Variants in CFAP43 observed in about 807,000 individuals in gnomAD.
CFAP43 encodes the protein cilia and flagella associated protein 43.
CFAP43 carries 155 observed loss-of-function variants against 218.9 expected under a neutral mutation model. The ratio of observed to expected loss-of-function variants is 0.71; its 90% CI spans 0.62 to 0.81. CFAP43 has a LOEUF of 0.81. CFAP43 is among the 30% of genes least tolerant of loss of function. The pLI is 0.00. For synonymous variants in CFAP43, 645 were observed against 681.3 expected, an observed-to-expected ratio of 0.95 and a Z score of 0.83; for missense variants, 1,778 against 1,954.3, an observed-to-expected ratio of 0.91 and a Z score of 1.70.
intron 5 of CFAP43, among the ~76,000 whole-genome samples, chr10:104,209,790 C>T (rs1228342673): frequency 6.6e-6 from 1 of 152,188 alleles, no homozygotes; most frequent in Admixed American, 6.5e-5. Flanking sequence ...TGCTGCCCCA[C>T]TGTGGCTGAA....
In CFAP43 at chr10:104,230,598, T is replaced by G; in HGVS notation, c.311A>C (p.Lys104Thr). ...AGGGTTCTCTAGAATACCTTTCAAT[T>G]TGGTCCTTCTGGTCAATCCTGGAAA... The part of the protein sequence containing the change: ...YSFPGLTRRT[K>T]LKGNILLDYT... Residue 104 changes from lysine (K) to threonine (T), a missense_variant, in exon 2 of 38, where the codon AAA (lysine) becomes ACA (threonine). Transcript: ENST00000357060. 1 of 1,613,840 alleles carries G rather than the reference T, an allele frequency of 6.2e-7. No homozygotes were observed. Among genetic ancestry groups the G allele is most frequent in the Non-Finnish European group, 8.5e-7 (1 of 1,179,922 alleles).
At chr10:104,137,398 C>T (rs2087500351) in intron 34 of CFAP43, among the ~76,000 whole-genome samples, 1 of 152,156 alleles carries the variant, frequency 6.6e-6, no homozygotes, top group Non-Finnish European at 1.5e-5. Context: ...ATACAAAATA[C>T]TAAGAATAGG....
At position 104,205,827 on chromosome 10, in the gene CFAP43, C is replaced by CCCAAAGAGGAAA. The variant is rs548602883; in HGVS notation, c.963+124_963+135dup. The CCCAAAGAGGAAA allele has an allele frequency of 6.8e-6, 5 of 733,574 alleles. No homozygotes were observed. The South Asian group carries it at 8.5e-5, about 12-fold the overall frequency. 45.4% of individuals were successfully genotyped at this position (733,574 alleles called of 1,614,324 possible). A position where few individuals can be genotyped will look rare whatever the true frequency, so the allele number is the denominator to read the frequency against. ...TCATAATAAATCCTTTTTAATAGTACCCAAAGAGGAAACCATTTTAATTAA... is the reference window on the plus strand; with the variant it reads ...TCATAATAAATCCTTTTTAATAGTACCCAAAGAGGAAACCAAAGAGGAAACCATTTTAATTAA... On this transcript the variant is annotated intron_variant, in intron 7 of 37. Transcript: ENST00000357060.
chr10:104,151,158 G>T (rs559638442), intron 28 of CFAP43, among the ~76,000 whole-genome samples: 1 of 152,294 alleles, frequency 6.6e-6, no homozygotes, highest in African/African-American at 2.4e-5. Flanking sequence ...TGGGCATTTA[G>T]GTTGATTCCA....
chr10:104,226,632 TC>T (rs1355614825), intron 2 of CFAP43, among the ~76,000 whole-genome samples: 4 of 152,196 alleles, frequency 2.6e-5, no homozygotes, highest in African/African-American at 9.7e-5. Context: ...TTCTTTCTAG[TC>T]TTTTCTTCTG....
chr10:104,177,872 T>C (rs1330650704), intron 19 of CFAP43, among the ~76,000 whole-genome samples: 5 of 152,166 alleles, frequency 3.3e-5, no homozygotes, highest in African/African-American at 1.2e-4. Context: ...AACCATCAAA[T>C]GGTTATGAAT....
At chr10:104,162,245 T>G (rs937943583) in intron 25 of CFAP43, 72 bp downstream of exon 25, 10 of 1,474,348 alleles carry the variant, frequency 6.8e-6, no homozygotes, top group Non-Finnish European at 9.5e-6. Context: ...GATGGGTTAT[T>G]AAACCAAACT....
intron 26 of CFAP43, 133 bp downstream of exon 26, chr10:104,161,828 T>G (rs1014419773): frequency 2.1e-5 from 16 of 757,076 alleles, no homozygotes; most frequent in Non-Finnish European, 3.5e-5. Flanking sequence ...GTTTATAAGG[T>G]ACTACGGAGG....
chr10:104,173,253 G>T (rs1218675943), intron 19 of CFAP43, among the ~76,000 whole-genome samples: 1 of 152,222 alleles, frequency 6.6e-6, no homozygotes, highest in East Asian at 1.9e-4. Context: ...GAGAAAAGAA[G>T]TATATAGCAT....
intron 27 of CFAP43, among the ~76,000 whole-genome samples, chr10:104,158,348 T>C (rs1026834834): frequency 3.3e-5 from 5 of 152,170 alleles, no homozygotes; most frequent in African/African-American, 1.2e-4. Flanking sequence ...TTTCCAGTGA[T>C]CATACTTAAT....
chr10:104,218,874 C>G (rs759200512), intron 3 of CFAP43: 34 of 503,260 alleles, frequency 6.8e-5, no homozygotes, highest in South Asian at 4.9e-4. Context: ...ACCCTAGGAA[C>G]AGCCGAGCAG....
chr10:104,205,464 C>A (rs950238469), intron 7 of CFAP43, among the ~76,000 whole-genome samples: 6 of 152,108 alleles, frequency 3.9e-5, no homozygotes, highest in African/African-American at 1.4e-4. Flanking sequence ...TAAGATAATA[C>A]AAGTAAAGTA....
rs559428169 is a variant in CFAP43 at position 104,185,120 on chromosome 10, A to G, written c.2037T>C (p.His679=). ...ACTGAATCCCATGACCCTGGTGAGAATGACTCCGACACCAAGCAAATGTTT... is the reference window on the plus strand; with the variant it reads ...ACTGAATCCCATGACCCTGGTGAGAGTGACTCCGACACCAAGCAAATGTTT... The part of the protein sequence containing the change: ...TLETFAWCRS[H]SHQGHGIQSM... The change falls in exon 16 of 38, where the codon CAT becomes CAC. Residue 679 remains histidine, a synonymous_variant. Transcript: ENST00000357060. The G allele has an allele frequency of 3.1e-6, 5 of 1,614,068 alleles. No homozygotes were observed. Among genetic ancestry groups the G allele is most frequent in the South Asian group, 1.1e-5 (1 of 91,074 alleles).
intron 34 of CFAP43, among the ~76,000 whole-genome samples, chr10:104,134,572 A>G (rs1589608416): frequency 6.6e-6 from 1 of 152,170 alleles, no homozygotes; most frequent in East Asian, 1.9e-4. Context: ...TATTACAGAA[A>G]TTAAAAGGAT....
intron 10 of CFAP43, among the ~76,000 whole-genome samples, chr10:104,194,438 G>A (rs976507654): frequency 1.3e-5 from 2 of 151,884 alleles, no homozygotes; most frequent in African/African-American, 4.8e-5. Flanking sequence ...ATTAGCGATG[G>A]GGTCTTCCTC....
intron 36 of CFAP43, 129 bp from the exon 37 acceptor site, chr10:104,131,613 T>C: frequency 2.8e-6 from 3 of 1,079,502 alleles, no homozygotes; most frequent in Non-Finnish European, 2.6e-6. Flanking sequence ...GCCATATCTG[T>C]AGTGCCTGGC....
chr10:104,188,906 G>A (rs1443160644), intron 12 of CFAP43, among the ~76,000 whole-genome samples: 1 of 152,072 alleles, frequency 6.6e-6, no homozygotes. Flanking sequence ...GCCAGGCCTG[G>A]AGCCCACCTT....
rs574743301 is a variant in CFAP43 at position 104,226,321 on chromosome 10, T to G, written c.320-764A>C. Among the ~76,000 whole-genome samples the G allele has an allele frequency of 4.3e-4, 66 of 152,356 alleles. No individual in the cohort carries two copies. The Middle Eastern group carries it at 0.024, about 55-fold the overall frequency. Reference sequence around the variant, plus strand: ...TTCTGCTTTTTTTCTCATTCTCATTTTAATTGACCATAATATAATCCTAAA... The same window carrying G: ...TTCTGCTTTTTTTCTCATTCTCATTGTAATTGACCATAATATAATCCTAAA... On this transcript the variant is annotated intron_variant, in intron 2 of 37. Transcript: ENST00000357060.
At chr10:104,146,145 A>G in intron 30 of CFAP43, 118 bp downstream of exon 30, 1 of 736,554 alleles carries the variant, frequency 1.4e-6, no homozygotes, top group Non-Finnish European at 2.2e-6. Context: ...CCCATAGCTG[A>G]GAATTAAGTG....
Sources: gnomAD v4.1 joint callset for allele counts (sites outside exome capture counted in the v4.1 genomes callset) on GRCh38, gnomAD v4.1.1 for gene constraint, MANE v1.5 for transcripts, NCBI Gene and HGNC (gene_info 2026-07-23, HGNC 2026-07-21) for gene names.